The following PACC1 variants were observed in gnomAD, a reference collection of about 807,000 sequenced individuals.
The protein encoded by PACC1 is proton activated chloride channel 1.
Under a neutral mutation model 39.7 loss-of-function variants are expected in PACC1, and 34 were observed. The ratio of observed to expected loss-of-function variants is 0.86; its 90% confidence interval spans 0.65 to 1.14. The LOEUF is 1.14. Ranked by LOEUF, PACC1 falls within the 50% of genes most tolerant of loss-of-function variation. The probability of loss-of-function intolerance (pLI) is 0.00; values close to 1 mark genes in which losing one functional copy is unlikely to be tolerated. For synonymous variants in PACC1, 127 were observed against 160.6 expected (o/e 0.79, Z 1.58); for missense variants, 379 against 436.4 (o/e 0.87, Z 1.17).
intron 2 of PACC1, among the ~76,000 whole-genome samples, chr1:212,395,904 T>C (rs1227923119): frequency 6.6e-6 from 1 of 152,176 alleles, no homozygotes; most frequent in Non-Finnish European, 1.5e-5. Context: ...CTCACACCAG[T>C]TAGAATGGCG....
chr1:212,381,776 C>G (rs1037157726), intron 4 of PACC1, among the ~76,000 whole-genome samples: 5 of 144,052 alleles, frequency 3.5e-5, no homozygotes, highest in African/African-American at 1.1e-4. Context: ...CAGTGACACA[C>G]ACACACACAC....
rs1308941906 is a variant in PACC1, at chr1:212,386,977, T to C, written c.257A>G (p.Tyr86Cys). Residue 86 changes from tyrosine (Y) to cysteine (C), a missense_variant, in exon 3 of 8, where the codon TAC (tyrosine) becomes TGC (cysteine). Coordinates refer to ENST00000261455, the MANE Select transcript of PACC1 (RefSeq NM_018252.3). This position sits in a 1 kb window ranked among gnomAD's most constrained non-coding sequence, Gnocchi z 5.0. ...CTCACGAAAGTCTGTGATGGTCCGG[T>C]AGACCAGGAAGACGGCCACAGCCAT... ...LLMAVAVFLVYRTITDFREKL... is the reference protein window; with the variant it reads ...LLMAVAVFLVCRTITDFREKL... 3.1e-6 allele frequency: 5 copies of C among 1,614,052 alleles called. No individual in the cohort carries two copies. Among genetic ancestry groups the C allele is most frequent in the Non-Finnish European group, 4.2e-6 (5 of 1,180,034 alleles).
chr1:212,386,694 C>T lies in PACC1; in HGVS notation c.343+197G>A, dbSNP rs2102498914. Among the ~76,000 whole-genome samples the T allele has an allele frequency of 6.6e-6, 1 of 152,282 alleles. No homozygotes were observed. Among genetic ancestry groups the T allele is most frequent in the East Asian group, 1.9e-4 (1 of 5,180 alleles). ...TAGCCTGCAGTAGCTGCTCCAGGCT[C>T]TGTCCATTTCTGTCCTCAGCACGTA... On this transcript the variant is annotated intron_variant, in intron 3 of 7. Transcript: ENST00000261455. This position sits in a 1 kb window ranked among gnomAD's most constrained non-coding sequence, Gnocchi z 5.0.
intron 4 of PACC1, among the ~76,000 whole-genome samples, chr1:212,381,529 C>G (rs780858632): frequency 6.6e-6 from 1 of 152,132 alleles, no homozygotes; most frequent in South Asian, 2.1e-4. Context: ...ATCCACTCCC[C>G]CTGCTGGAGC....
intron 7 of PACC1, among the ~76,000 whole-genome samples, chr1:212,366,171 C>T (rs767824078): frequency 6.6e-6 from 1 of 152,164 alleles, no homozygotes; most frequent in Non-Finnish European, 1.5e-5. Flanking sequence ...TTCACAGTTC[C>T]TTATGGTCTG....
intron 5 of PACC1, 62 bp from the exon 6 acceptor site, chr1:212,377,768 G>A: frequency 6.3e-7 from 1 of 1,580,312 alleles, no homozygotes; most frequent in South Asian, 1.2e-5. Context: ...AGGAGTCGAA[G>A]CCCCCACTGC....
At chr1:212,372,518 GAAAT>G (rs2102471488) in intron 7 of PACC1, among the ~76,000 whole-genome samples, 1 of 152,162 alleles carries the variant, frequency 6.6e-6, no homozygotes, top group South Asian at 2.1e-4. Flanking sequence ...ACAAGAGAAA[GAAAT>G]AAAGGGCATC....
At chr1:212,377,414 C>T in intron 6 of PACC1, 148 bp downstream of exon 6, 2 of 1,080,182 alleles carry the variant, frequency 1.9e-6, no homozygotes, top group Middle Eastern at 2.1e-4. Context: ...ATATGAAGCC[C>T]TCCATGGGAG....
At chr1:212,414,133 G>C (rs1662240165) in intron 1 of PACC1, 4 of 1,473,068 alleles carry the variant, frequency 2.7e-6, no homozygotes, top group East Asian at 5.0e-5. Context: ...TAAAGTCGTG[G>C]GAGGAGGTGA....
chr1:212,390,804 T>C (rs1391932473), intron 2 of PACC1, among the ~76,000 whole-genome samples: 2 of 152,218 alleles, frequency 1.3e-5, no homozygotes, highest in Non-Finnish European at 2.9e-5. Flanking sequence ...ATCCCGCGCC[T>C]GGCTCAGAGG....
At chr1:212,412,681 CG>C (rs1558185815) in intron 1 of PACC1, among the ~76,000 whole-genome samples, 1 of 152,204 alleles carries the variant, frequency 6.6e-6, no homozygotes, top group Non-Finnish European at 1.5e-5. Context: ...GCCCTCCAAG[CG>C]GGGTAAGTGC....
At chr1:212,408,087 A>G (rs1418820396) in intron 2 of PACC1, among the ~76,000 whole-genome samples, 1 of 151,606 alleles carries the variant, frequency 6.6e-6, no homozygotes, top group Non-Finnish European at 1.5e-5. Flanking sequence ...AAAAAAAAAA[A>G]AAAGAAAACA....
At chr1:212,398,677 T>C (rs531913264) in intron 2 of PACC1, among the ~76,000 whole-genome samples, 1 of 152,322 alleles carries the variant, frequency 6.6e-6, no homozygotes, top group Admixed American at 6.5e-5. Context: ...GCCTCTTTTG[T>C]GTTTGATTTC....
intron 4 of PACC1, among the ~76,000 whole-genome samples, chr1:212,382,413 G>A (rs1660937039): frequency 1.3e-5 from 2 of 152,118 alleles, no homozygotes; most frequent in African/African-American, 2.4e-5. Flanking sequence ...GGAAAATGGC[G>A]GGCAGTAAGG....
chr1:212,389,459 C>T (rs991871178), intron 2 of PACC1, among the ~76,000 whole-genome samples: 27 of 152,154 alleles, frequency 1.8e-4, no homozygotes, highest in African/African-American at 6.0e-4. Context: ...AAAAAATACC[C>T]TTCTGAAGAT....
At chr1:212,392,794 T>A (rs1468579334) in intron 2 of PACC1, among the ~76,000 whole-genome samples, 1 of 148,736 alleles carries the variant, frequency 6.7e-6, no homozygotes, top group African/African-American at 2.5e-5. Context: ...TCCTAGTCTC[T>A]GATAAAACAG....
At chr1:212,398,388 AG>A (rs1416873123) in intron 2 of PACC1, among the ~76,000 whole-genome samples, 1 of 152,268 alleles carries the variant, frequency 6.6e-6, no homozygotes, top group Non-Finnish European at 1.5e-5. Flanking sequence ...AGTGCAATCA[AG>A]CATGTAAAAC....
In PACC1 at chr1:212,365,112, T is replaced by C. The variant is rs1660182754; in HGVS notation, c.*103A>G. ...TGCTGTTCCTCCCAGCAAGGCCCCA[T>C]TTCTTCAAGTGAGTACAGGATTGTT... is the stretch of plus-strand genomic sequence containing the variant. On this transcript the variant is annotated 3_prime_UTR_variant, in exon 8 of 8. Coordinates refer to ENST00000261455, the MANE Select transcript of PACC1 (RefSeq NM_018252.3). The C allele has an allele frequency of 4.9e-6, 6 of 1,234,826 alleles. No homozygotes were observed. Among genetic ancestry groups the C allele is most frequent in the Non-Finnish European group, 5.5e-6 (5 of 905,808 alleles). The allele number at this position is 1,234,826 out of a possible 1,614,324, so 76.5% of individuals were successfully genotyped here.
chr1:212,395,258 A>G (rs919648223), intron 2 of PACC1, among the ~76,000 whole-genome samples: 4 of 152,202 alleles, frequency 2.6e-5, no homozygotes, highest in African/African-American at 9.7e-5. Context: ...AATGGAACAG[A>G]ACAGAGCCCT....
Sources: allele counts gnomAD v4.1 joint callset (sites outside exome capture counted in the v4.1 genomes callset), GRCh38; gene constraint gnomAD v4.1.1; non-coding constraint Gnocchi (gnomAD v3.1); transcripts MANE v1.5; gene names NCBI Gene and HGNC (gene_info 2026-07-23, HGNC 2026-07-21).